STAG1: variants seen among roughly 807,000 people sequenced by gnomAD.
STAG1 encodes STAG1 cohesin complex component, also known as cohesin subunit SA-1.
A neutral mutation model predicts 170.9 loss-of-function variants in STAG1; 26 were observed. The observed-to-expected ratio is 0.15, with a 90% confidence interval of 0.11 to 0.21. The LOEUF (loss-of-function observed/expected upper bound fraction) is 0.21. Ranked by LOEUF, STAG1 falls within the 10% of genes least tolerant of loss-of-function variation. STAG1 has a pLI of 1.00. For missense variants in STAG1, 964 were observed against 1,509.5 expected (o/e 0.64, Z 5.99); for synonymous variants, 514 against 497.7 (o/e 1.03, Z -0.44).
At chr3:136,460,122 C>T (rs543967253) in intron 13 of STAG1, among the ~76,000 whole-genome samples, 1 of 151,768 alleles carries the variant, frequency 6.6e-6, no homozygotes, top group Non-Finnish European at 1.5e-5. Context: ...AAACCTTTAG[C>T]TGAACTAAAA....
At chr3:136,507,069 C>G (rs1205031799) in intron 7 of STAG1, among the ~76,000 whole-genome samples, 1 of 152,148 alleles carries the variant, frequency 6.6e-6, no homozygotes, top group African/African-American at 2.4e-5. Context: ...GAAGGAAGTA[C>G]TATTATTAGT....
chr3:136,595,676 C>CAATAAATAAATA (rs59472050), intron 4 of STAG1, among the ~76,000 whole-genome samples: 3 of 127,394 alleles, frequency 2.4e-5, no homozygotes, highest in African/African-American at 6.1e-5. Context: ...GACTCCATCT[C>CAATAAATAAATA]AATAAATAAA....
chr3:136,472,280 C>T (rs1379658958), intron 12 of STAG1, 133 bp downstream of exon 12: 7 of 495,602 alleles, frequency 1.4e-5, no homozygotes, highest in African/African-American at 6.0e-5. Flanking sequence ...TTAAATCTAA[C>T]GTTAAAATGT....
At chr3:136,600,006 T>C (rs1233531500) in intron 4 of STAG1, among the ~76,000 whole-genome samples, 2 of 152,136 alleles carry the variant, frequency 1.3e-5, no homozygotes, top group South Asian at 2.1e-4. Context: ...TAAAACAACA[T>C]TGGGAATTTT....
At chr3:136,424,036 G>T (rs1266052563) in intron 16 of STAG1, among the ~76,000 whole-genome samples, 1 of 151,778 alleles carries the variant, frequency 6.6e-6, no homozygotes, top group Non-Finnish European at 1.5e-5. Context: ...GCTAATTTTT[G>T]TATTTTTGTA....
Position 136,338,354 on chromosome 3 carries a change from A to ATAATT in STAG1, c.3753+11_3753+15dup, listed in dbSNP as rs1553786994. Reference sequence around the variant, plus strand: ...CAGGAACCATAAATAAAAAGCAGTAATAATTTGACATTTACTGAATCATCT... The same window carrying ATAATT: ...CAGGAACCATAAATAAAAAGCAGTAATAATTTAATTTGACATTTACTGAATCATCT... On this transcript the variant is annotated intron_variant, in intron 33 of 33. Transcript: ENST00000383202. 2 of 1,605,790 alleles carry ATAATT rather than the reference A, an allele frequency of 1.2e-6. No homozygotes were observed. Among genetic ancestry groups the ATAATT allele is most frequent in the Non-Finnish European group, 1.7e-6 (2 of 1,172,588 alleles).
At chr3:136,473,424 G>T in intron 11 of STAG1, 115 bp downstream of exon 11, 1 of 741,984 alleles carries the variant, frequency 1.3e-6, no homozygotes, top group Non-Finnish European at 2.1e-6. Flanking sequence ...GTTGGGGACT[G>T]CTGTAATAAA....
At chr3:136,345,761 G>A (rs952698724) in intron 29 of STAG1, among the ~76,000 whole-genome samples, 11 of 151,872 alleles carry the variant, frequency 7.2e-5, no homozygotes, top group African/African-American at 2.2e-4. Flanking sequence ...TTTTGCCATC[G>A]AGCATCCTGT....
chr3:136,489,878 G>A (rs974450469), intron 9 of STAG1, among the ~76,000 whole-genome samples: 77 of 152,226 alleles, frequency 5.1e-4, no homozygotes, highest in Non-Finnish European at 3.4e-4. Flanking sequence ...ACAGAAGCAC[G>A]TAAAATGGAG....
chr3:136,585,384 G>A (rs543956134), intron 4 of STAG1, among the ~76,000 whole-genome samples: 1 of 152,158 alleles, frequency 6.6e-6, no homozygotes, highest in African/African-American at 2.4e-5. Flanking sequence ...GGAGGTTGCA[G>A]TGAGCCGAGA....
chr3:136,358,397 G>A (rs1936737199), intron 27 of STAG1, among the ~76,000 whole-genome samples: 1 of 152,078 alleles, frequency 6.6e-6, no homozygotes, highest in East Asian at 1.9e-4. Flanking sequence ...ACTATGTGTA[G>A]TTTTTAGAGG....
Position 136,523,031 on chromosome 3 carries a change from G to T in STAG1, c.472-1614C>A, listed in dbSNP as rs921594611. Among the ~76,000 whole-genome samples, 6 of 152,086 alleles carry T rather than the reference G, an allele frequency of 3.9e-5. No individual in the cohort carries two copies. In the East Asian group the frequency reaches 1.2e-3, roughly 29 times the overall value. On this transcript the variant is annotated intron_variant, in intron 6 of 33. Transcript: ENST00000383202. Reference sequence around the variant, plus strand: ...GTGAATAGTGCCGCAATAAACATACGTGTGCATAGGTCTTTATAGCAGCAT... The same window carrying T: ...GTGAATAGTGCCGCAATAAACATACTTGTGCATAGGTCTTTATAGCAGCAT...
chr3:136,523,957 T>C (rs952026015), intron 6 of STAG1, among the ~76,000 whole-genome samples: 5 of 148,886 alleles, frequency 3.4e-5, no homozygotes, highest in African/African-American at 1.2e-4. Context: ...GGTCTACATC[T>C]CTGTTTTGGT....
At chr3:136,670,870 A>G (rs1941960196) in intron 1 of STAG1, among the ~76,000 whole-genome samples, 1 of 152,208 alleles carries the variant, frequency 6.6e-6, no homozygotes, top group Non-Finnish European at 1.5e-5. Context: ...AGATTTCAAT[A>G]ATGGATGTAT....
intron 26 of STAG1, 60 bp from the exon 27 acceptor site, chr3:136,359,356 C>T: frequency 8.0e-7 from 1 of 1,257,422 alleles, no homozygotes; most frequent in Non-Finnish European, 1.1e-6. Context: ...CAGTTATTTT[C>T]AGAATAGGTA....
At chr3:136,705,061 A>G (rs1359222087) in intron 1 of STAG1, among the ~76,000 whole-genome samples, 1 of 152,016 alleles carries the variant, frequency 6.6e-6, no homozygotes, top group African/African-American at 2.4e-5. Context: ...TAAAACATCT[A>G]GACAGAAGAT....
rs534483647 is a variant in STAG1, at chr3:136,370,178, GC to G, written c.2371-897del. Among the ~76,000 whole-genome samples, 710 of 151,924 alleles carry G rather than the reference GC, an allele frequency of 4.7e-3. 2 individuals are homozygous for G. The highest frequency in any genetic ancestry group is 7.7e-3 in the Non-Finnish European group (525 of 67,972). ...AAAATTAACTGTGAAACATCCTCAG[GC>G]AGGTCCTTCAGGAGGTACTCCAGAA... On this transcript the variant is annotated intron_variant, in intron 23 of 33. Coordinates refer to ENST00000383202, the MANE Select transcript of STAG1 (RefSeq NM_005862.3).
intron 15 of STAG1, among the ~76,000 whole-genome samples, chr3:136,441,312 C>T (rs1344834754): frequency 6.6e-6 from 1 of 152,106 alleles, no homozygotes; most frequent in Non-Finnish European, 1.5e-5. Context: ...GGATTACAGG[C>T]GTGAGCCACC....
Position 136,737,175 on chromosome 3 carries a change from G to T in STAG1, c.-84+15020C>A. 6.7e-6 allele frequency: 5 copies of T among 747,016 alleles called. No homozygotes were observed. In the South Asian group the frequency reaches 6.7e-5, roughly 10 times the overall value. The allele number at this position is 747,016 out of a possible 1,614,324, so 46.3% of individuals were successfully genotyped here. A position where few individuals can be genotyped will look rare whatever the true frequency, so the allele number is the denominator to read the frequency against. On this transcript the variant is annotated intron_variant, in intron 1 of 33. Transcript: ENST00000383202. ...TATTTGTTTCACCTCACTGTAGAAG[G>T]TCATAAATGCTGCCTCCGCCACACG...
Sources: allele counts gnomAD v4.1 joint callset (sites outside exome capture counted in the v4.1 genomes callset), GRCh38; gene constraint gnomAD v4.1.1; transcripts MANE v1.5; gene names NCBI Gene and HGNC (gene_info 2026-07-23, HGNC 2026-07-21).